Variants in IQCJ observed in about 807,000 individuals in gnomAD.
The protein encoded by IQCJ is IQ domain-containing protein J.
A neutral mutation model predicts 11.0 loss-of-function variants in IQCJ; 9 were observed. That is an observed-to-expected ratio of 0.82 (90% CI 0.49 to 1.43). The LOEUF is 1.43. IQCJ is among the 40% of genes most tolerant of loss of function. IQCJ has a pLI of 0.00. For synonymous variants in IQCJ, 55 were observed against 51.3 expected, an observed-to-expected ratio of 1.07 and a Z score of -0.31; for missense variants, 146 against 133.2, an observed-to-expected ratio of 1.10 and a Z score of -0.47.
chr3:159,155,125 G>A (rs2108209133), intron 1 of IQCJ, among the ~76,000 whole-genome samples: 1 of 152,132 alleles, frequency 6.6e-6, no homozygotes, highest in East Asian at 1.9e-4. Context: ...AAGGTTTCTG[G>A]CCGATCTTTA....
chr3:159,074,841 A>T (rs1043540624), intron 1 of IQCJ, among the ~76,000 whole-genome samples: 8 of 152,144 alleles, frequency 5.3e-5, no homozygotes, highest in African/African-American at 1.9e-4. Context: ...GGCTTCATAC[A>T]GACCTGATCC....
rs543396019 is a variant in IQCJ, at chr3:159,154,107, G to T, written c.9+84666G>T. ...AAAGACCTTAAAGTTCCTTTAAAAA[G>T]TTCCCAAAAAATCTAAACCCCCAAA... is the stretch of plus-strand genomic sequence containing the variant. On this transcript the variant is annotated intron_variant, in intron 1 of 3. Transcript: ENST00000397832. Among the ~76,000 whole-genome samples, 6 of 152,276 alleles carry T rather than the reference G, an allele frequency of 3.9e-5. No homozygotes were observed. The East Asian group carries it at 9.6e-4, about 24-fold the overall frequency.
intron 1 of IQCJ, among the ~76,000 whole-genome samples, chr3:159,153,017 T>C (rs1354744605): frequency 1.3e-5 from 2 of 152,318 alleles, no homozygotes; most frequent in East Asian, 1.9e-4. Flanking sequence ...TAATAAGTCA[T>C]AGGATAATCC....
intron 1 of IQCJ, among the ~76,000 whole-genome samples, chr3:159,234,515 G>T (rs1577101792): frequency 6.6e-6 from 1 of 152,050 alleles, no homozygotes; most frequent in East Asian, 1.9e-4. Flanking sequence ...TTAAATTATT[G>T]GAGATGGGCC....
intron 1 of IQCJ, among the ~76,000 whole-genome samples, chr3:159,159,641 G>C (rs529470289): frequency 6.6e-6 from 1 of 152,142 alleles, no homozygotes. Flanking sequence ...TCCTGAAAAG[G>C]ATACTGCTAT....
intron 1 of IQCJ, among the ~76,000 whole-genome samples, chr3:159,073,162 C>T (rs1383648547): frequency 6.6e-6 from 1 of 152,082 alleles, no homozygotes; most frequent in Non-Finnish European, 1.5e-5. Context: ...CAGAAATGAC[C>T]AGGCCTAGTA....
At chr3:159,249,434 A>G (rs1274759271) in intron 2 of IQCJ, among the ~76,000 whole-genome samples, 1 of 152,122 alleles carries the variant, frequency 6.6e-6, no homozygotes, top group African/African-American at 2.4e-5. Context: ...GAATTCCAGC[A>G]ATGGGAATTA....
chr3:159,197,340 C>T (rs916533363), intron 1 of IQCJ, among the ~76,000 whole-genome samples: 1 of 152,148 alleles, frequency 6.6e-6, no homozygotes, highest in African/African-American at 2.4e-5. Flanking sequence ...TCTCCATTGT[C>T]ACTACCATTG....
chr3:159,155,501 A>G (rs1250477269), intron 1 of IQCJ, among the ~76,000 whole-genome samples: 1 of 152,068 alleles, frequency 6.6e-6, no homozygotes. Context: ...CATGGATTCC[A>G]CTTGTGTAAC....
At chr3:159,190,717 C>T (rs534503905) in intron 1 of IQCJ, among the ~76,000 whole-genome samples, 1 of 152,200 alleles carries the variant, frequency 6.6e-6, no homozygotes, top group African/African-American at 2.4e-5. Flanking sequence ...TGTCCCGGTT[C>T]TAGCTTCACT....
chr3:159,231,000 T>C (rs1726216629), intron 1 of IQCJ, among the ~76,000 whole-genome samples: 1 of 152,228 alleles, frequency 6.6e-6, no homozygotes, highest in Non-Finnish European at 1.5e-5. Flanking sequence ...CTTTTGCTGT[T>C]CATGAAGTAA....
intron 2 of IQCJ, among the ~76,000 whole-genome samples, chr3:159,246,418 C>T (rs1391655713): frequency 6.6e-6 from 1 of 152,134 alleles, no homozygotes; most frequent in African/African-American, 2.4e-5. Context: ...TGATTATAGC[C>T]TTTTGATATA....
intron 1 of IQCJ, among the ~76,000 whole-genome samples, chr3:159,228,419 G>A (rs1577095780): frequency 6.6e-6 from 1 of 152,208 alleles, no homozygotes; most frequent in Non-Finnish European, 1.5e-5. Flanking sequence ...ATTATGAAAT[G>A]TAATGGTGCA....
intron 1 of IQCJ, among the ~76,000 whole-genome samples, chr3:159,187,106 A>T (rs955172929): frequency 1.3e-5 from 2 of 152,272 alleles, no homozygotes; most frequent in African/African-American, 4.8e-5. Flanking sequence ...AACGTATTCT[A>T]CAGTTAAATA....
At chr3:159,117,146 C>G (rs551010177) in intron 1 of IQCJ, among the ~76,000 whole-genome samples, 2 of 152,326 alleles carry the variant, frequency 1.3e-5, no homozygotes, top group South Asian at 4.1e-4. Context: ...CTTACCACAA[C>G]CCCCAACTAA....
chr3:159,072,674 G>A (rs1400880184), intron 1 of IQCJ, among the ~76,000 whole-genome samples: 2 of 152,014 alleles, frequency 1.3e-5, no homozygotes, highest in East Asian at 1.9e-4. Flanking sequence ...CTATGGGCCA[G>A]CTATGGGCCA....
intron 1 of IQCJ, among the ~76,000 whole-genome samples, chr3:159,201,320 A>T (rs1724313610): frequency 2.0e-5 from 3 of 152,206 alleles, no homozygotes; most frequent in Admixed American, 6.5e-5. Flanking sequence ...TTCTTTTGAA[A>T]AGTGAAGATT....
chr3:159,243,595 G>A (rs770397615), intron 1 of IQCJ, among the ~76,000 whole-genome samples: 2 of 152,204 alleles, frequency 1.3e-5, no homozygotes, highest in African/African-American at 4.8e-5. Flanking sequence ...GAACAGGGGT[G>A]CCTTTGGGAG....
chr3:159,227,627 A>G (rs535588912), intron 1 of IQCJ, among the ~76,000 whole-genome samples: 4 of 152,314 alleles, frequency 2.6e-5, no homozygotes, highest in East Asian at 3.9e-4. Flanking sequence ...CTCAACAAAT[A>G]TTAGCTAGAC....
Sources: allele counts gnomAD v4.1 joint callset (sites outside exome capture counted in the v4.1 genomes callset), GRCh38; gene constraint gnomAD v4.1.1; transcripts MANE v1.5; gene names NCBI Gene and HGNC (gene_info 2026-07-23, HGNC 2026-07-21).